The following TGFB2 variants were observed in gnomAD, a reference collection of about 807,000 sequenced individuals.
TGFB2 encodes transforming growth factor beta-2 proprotein.
Under a neutral mutation model 42.7 loss-of-function variants are expected in TGFB2, and 13 were observed. The observed-to-expected ratio is 0.30, with a 90% confidence interval of 0.20 to 0.48. TGFB2 has a LOEUF of 0.48. Ranked by LOEUF, TGFB2 falls within the 20% of genes least tolerant of loss-of-function variation. TGFB2 has a pLI of 0.99. For synonymous variants in TGFB2, 193 were observed against 193.6 expected (o/e 1.00, Z 0.03); for missense variants, 390 against 517.5 (o/e 0.75, Z 2.39).
At chr1:218,428,689 A>T (rs2102620109) in intron 2 of TGFB2, among the ~76,000 whole-genome samples, 1 of 152,124 alleles carries the variant, frequency 6.6e-6, no homozygotes, top group Non-Finnish European at 1.5e-5. Flanking sequence ...TGTTCCATTG[A>T]TCTATATCTC....
At position 218,435,989 on chromosome 1, in the gene TGFB2, A is replaced by G. The variant is rs1271642210; in HGVS notation, c.774A>G (p.Thr258=). The G allele has an allele frequency of 6.2e-7, 1 of 1,611,356 alleles. No homozygotes were observed. The highest frequency in any genetic ancestry group is 8.5e-7 in the Non-Finnish European group (1 of 1,179,196). ...TTCAAGGTATTGATGGCACCTCCAC[A>G]TATACCAGTGGTGATCAGAAAACTA... The part of the protein sequence containing the change: ...ARFAGIDGTS[T]YTSGDQKTIK... The change falls in exon 5 of 7, where the codon ACA becomes ACG. Residue 258 remains threonine (T), a synonymous_variant. Transcript: ENST00000366930.
At chr1:218,353,035 C>T (rs1339469434) in intron 1 of TGFB2, among the ~76,000 whole-genome samples, 1 of 152,192 alleles carries the variant, frequency 6.6e-6, no homozygotes, top group Non-Finnish European at 1.5e-5. Context: ...TTCTCTGAGT[C>T]TCAAATGCCT....
At chr1:218,380,255 T>C (rs1485458217) in intron 1 of TGFB2, among the ~76,000 whole-genome samples, 1 of 152,182 alleles carries the variant, frequency 6.6e-6, no homozygotes, top group Non-Finnish European at 1.5e-5. Context: ...GCACAAACTC[T>C]GGAATGAAAA....
chr1:218,377,109 G>A (rs903836819), intron 1 of TGFB2, among the ~76,000 whole-genome samples: 1 of 152,014 alleles, frequency 6.6e-6, no homozygotes, highest in African/African-American at 2.4e-5. Flanking sequence ...TTGTTGCCCG[G>A]GCTGGTCTCA....
intron 1 of TGFB2, among the ~76,000 whole-genome samples, chr1:218,395,850 G>A (rs1181981444): frequency 1.3e-5 from 2 of 152,054 alleles, no homozygotes; most frequent in Non-Finnish European, 2.9e-5. Context: ...TCCTGACCTC[G>A]TGATCCACCC....
intron 2 of TGFB2, among the ~76,000 whole-genome samples, chr1:218,408,376 A>T (rs1658983347): frequency 6.6e-6 from 1 of 152,170 alleles, no homozygotes; most frequent in Admixed American, 6.6e-5. Flanking sequence ...AAGTGACATG[A>T]TGTGCATGGC....
intron 2 of TGFB2, among the ~76,000 whole-genome samples, chr1:218,412,488 G>T (rs948435036): frequency 6.6e-6 from 1 of 152,174 alleles, no homozygotes; most frequent in African/African-American, 2.4e-5. Flanking sequence ...ACGTCAGAAC[G>T]ACCTTCCTCG....
chr1:218,428,951 A>C (rs1253070459), intron 2 of TGFB2, among the ~76,000 whole-genome samples: 8 of 133,414 alleles, frequency 6.0e-5, no homozygotes, highest in Non-Finnish European at 1.1e-4. Context: ...CACGATATTG[A>C]TTCTCCCTAT....
At chr1:218,375,128 A>G (rs1342358600) in intron 1 of TGFB2, among the ~76,000 whole-genome samples, 1 of 152,204 alleles carries the variant, frequency 6.6e-6, no homozygotes, top group East Asian at 1.9e-4. Context: ...CTGTCTAGAC[A>G]GACGAGTTCA....
chr1:218,367,414 G>A (rs906638784), intron 1 of TGFB2, among the ~76,000 whole-genome samples: 1 of 152,180 alleles, frequency 6.6e-6, no homozygotes, highest in Non-Finnish European at 1.5e-5. Context: ...GCAAGAATCT[G>A]ACCAACCTAT....
At chr1:218,437,086 C>T (rs1339582623) in intron 5 of TGFB2, among the ~76,000 whole-genome samples, 1 of 152,138 alleles carries the variant, frequency 6.6e-6, no homozygotes, top group South Asian at 2.1e-4. Context: ...TTTTCCAGGT[C>T]ACAGACAAGG....
intron 2 of TGFB2, among the ~76,000 whole-genome samples, chr1:218,415,208 C>T (rs986043912): frequency 4.6e-5 from 7 of 152,126 alleles, no homozygotes; most frequent in Non-Finnish European, 7.3e-5. Flanking sequence ...TTACAGTTTC[C>T]GAGCATTGAG....
chr1:218,387,251 T>G (rs1571859502), intron 1 of TGFB2, among the ~76,000 whole-genome samples: 2 of 147,980 alleles, frequency 1.4e-5, no homozygotes, highest in African/African-American at 5.0e-5. Flanking sequence ...GGGAGGGGAG[T>G]GGAGGGGAGA....
intron 1 of TGFB2, among the ~76,000 whole-genome samples, chr1:218,352,504 A>G (rs1656902713): frequency 6.6e-6 from 1 of 152,204 alleles, no homozygotes; most frequent in African/African-American, 2.4e-5. Context: ...AGATTTAATA[A>G]TATGTTAGGG....
chr1:218,361,136 A>AG (rs1375732096), intron 1 of TGFB2, among the ~76,000 whole-genome samples: 1 of 152,204 alleles, frequency 6.6e-6, no homozygotes, highest in African/African-American at 2.4e-5. Flanking sequence ...TATAGGCGTG[A>AG]GCCACCGCGC....
Position 218,392,162 on chromosome 1 carries a change from C to T in TGFB2, c.347-13007C>T, listed in dbSNP as rs144437996. Among the ~76,000 whole-genome samples, 8 of 152,022 alleles carry T rather than the reference C, an allele frequency of 5.3e-5. No homozygotes were observed. The East Asian group carries it at 7.8e-4, about 15-fold the overall frequency. ...GTCAAGAGATCGAGACCATCCTGGC[C>T]AATACGTGAAACCCCATCTCTACTA... On this transcript the variant is annotated intron_variant, in intron 1 of 6. Coordinates refer to ENST00000366930, the MANE Select transcript of TGFB2 (RefSeq NM_003238.6).
intron 1 of TGFB2, among the ~76,000 whole-genome samples, chr1:218,367,704 C>T (rs1328376739): frequency 6.6e-6 from 1 of 152,198 alleles, no homozygotes; most frequent in African/African-American, 2.4e-5. Flanking sequence ...AAGAGCTGTA[C>T]ATTAACTGCA....
intron 1 of TGFB2, chr1:218,363,489 T>G: frequency 6.9e-7 from 1 of 1,456,354 alleles, no homozygotes; most frequent in Non-Finnish European, 9.6e-7. Context: ...GTTTGTCTCC[T>G]GTGGGGAACT....
intron 1 of TGFB2, among the ~76,000 whole-genome samples, chr1:218,384,454 A>G (rs897584498): frequency 1.3e-5 from 2 of 152,232 alleles, no homozygotes; most frequent in Non-Finnish European, 2.9e-5. Flanking sequence ...AAAGTGGTTC[A>G]TTACAAGTCA....
Sources: allele counts gnomAD v4.1 joint callset (sites outside exome capture counted in the v4.1 genomes callset), GRCh38; gene constraint gnomAD v4.1.1; transcripts MANE v1.5; gene names NCBI Gene and HGNC (gene_info 2026-07-23, HGNC 2026-07-21).